Variants in GET4 observed in about 807,000 individuals in gnomAD.
GET4 encodes Golgi to ER traffic protein 4 homolog.
Under a neutral mutation model 40.0 loss-of-function variants are expected in GET4, and 20 were observed. That is an observed-to-expected ratio of 0.50 (90% CI 0.35 to 0.73). The LOEUF (loss-of-function observed/expected upper bound fraction) is 0.73. Among genes scored for constraint, GET4 ranks in the 30% least tolerant of loss-of-function variants. The pLI, the probability that GET4 is intolerant of heterozygous loss-of-function variation, is 0.01. For synonymous variants in GET4, 280 were observed against 194.6 expected (o/e 1.44, Z -3.65); for missense variants, 557 against 454.0 (o/e 1.23, Z -2.06).
intron 1 of GET4, among the ~76,000 whole-genome samples, chr7:878,488 A>T (rs958681132): frequency 6.6e-6 from 1 of 151,702 alleles, no homozygotes; most frequent in African/African-American, 2.4e-5. Context: ...AGGGCCGTGA[A>T]TGTTTTGATA....
chr7:892,536 T>C, intron 6 of GET4, 118 bp downstream of exon 6: 1 of 1,069,992 alleles, frequency 9.3e-7, no homozygotes. Context: ...GGTAGCCGTG[T>C]GGGTATATGC....
intron 5 of GET4, among the ~76,000 whole-genome samples, chr7:892,066 A>G (rs368304828): frequency 2.0e-5 from 3 of 152,218 alleles, no homozygotes; most frequent in Non-Finnish European, 4.4e-5. Context: ...CACATTCCCA[A>G]GCTTCATTCT....
chr7:880,651 G>A (rs905288522), intron 1 of GET4: 2 of 152,222 alleles, frequency 1.3e-5, no homozygotes, highest in African/African-American at 4.8e-5. Context: ...CACCTCTTAC[G>A]GGGCCCGGGA....
chr7:891,132 G>C (rs980146762), intron 5 of GET4, 66 bp downstream of exon 5: 79 of 1,332,884 alleles, frequency 5.9e-5, no homozygotes, highest in Non-Finnish European at 7.8e-5. Context: ...CCTTAGAACA[G>C]GTCCCCTTGT....
At chr7:886,333 T>TC in intron 2 of GET4, 199 bp downstream of exon 2, 2 of 606,540 alleles carry the variant, frequency 3.3e-6, no homozygotes, top group Non-Finnish European at 5.9e-6. Context: ...GCGCTGCGTT[T>TC]GTGCACGATG....
chr7:876,752 A>G lies in GET4; in HGVS notation c.107A>G (p.Lys36Arg). The G allele has an allele frequency of 7.3e-7, 1 of 1,370,978 alleles. No homozygotes were observed. The highest frequency in any genetic ancestry group is 9.5e-7 in the Non-Finnish European group (1 of 1,048,120). The allele number at this position is 1,370,978 out of a possible 1,614,324, so 84.9% of individuals were successfully genotyped here. A position where few individuals can be genotyped will look rare whatever the true frequency, so the allele number is the denominator to read the frequency against. The change falls in exon 1 of 9, where the codon AAG (lysine) becomes AGG (arginine). Residue 36 changes from lysine (K) to arginine (R), a missense_variant. Lys to Arg is a conservative substitution (Grantham distance 26, BLOSUM62 2). Transcript: ENST00000265857. ...VEGKLRASVE[K>R]GDYYEAHQMY... ...GGCAAGCTGCGCGCCAGCGTCGAGAAGGGCGACTACTACGAGGCGCACCAG... is the reference window on the plus strand; with the variant it reads ...GGCAAGCTGCGCGCCAGCGTCGAGAGGGGCGACTACTACGAGGCGCACCAG...
At chr7:894,286 G>T (rs553731868) in intron 8 of GET4, among the ~76,000 whole-genome samples, 3 of 152,146 alleles carry the variant, frequency 2.0e-5, no homozygotes, top group African/African-American at 7.2e-5. Context: ...GGTGGCCTCC[G>T]TGAGCCTGGT....
At position 876,660 on chromosome 7, in the gene GET4, G is replaced by A. The variant is rs2128625477; in HGVS notation, c.15G>A (p.Ala5=). 11 of 1,289,416 alleles carry A rather than the reference G, an allele frequency of 8.5e-6. No homozygotes were observed. The highest frequency in any genetic ancestry group is 4.0e-5 in the South Asian group (2 of 50,394). The allele number at this position is 1,289,416 out of a possible 1,614,324, so 79.9% of individuals were successfully genotyped here. The change falls in exon 1 of 9, where the codon GCG becomes GCA. Residue 5 remains alanine (A), a synonymous_variant. Transcript: ENST00000265857. ...GCGCCGGCCCGATGGCGGCGGCGGC[G>A]GCGATGGCCGAGCAGGAGAGCGCCC... is the stretch of plus-strand genomic sequence containing the variant. MAAA[A]AMAEQESARN...
Position 895,346 on chromosome 7 carries a change from C to G in GET4, c.908C>G (p.Thr303Ser), listed in dbSNP as rs1434980662. The change falls in exon 9 of 9, where the codon ACC becomes AGC. Residue 303 changes from threonine (T) to serine (S), a missense_variant. Thr to Ser is a moderately conservative substitution (Grantham distance 58). Transcript: ENST00000265857. ...TTCTTCTTTCCAGGGAACCTTCTGA[C>G]CAGCCTCATGGGCTCCTCAGAGCAG... Reference protein sequence around the residue: ...SYGGLLGNLLTSLMGSSEQED... With the variant: ...SYGGLLGNLLSSLMGSSEQED... 6 of 1,573,962 alleles carry G rather than the reference C, an allele frequency of 3.8e-6. No homozygotes were observed. The highest frequency in any genetic ancestry group is 3.4e-5 in the South Asian group (3 of 89,368).
intron 1 of GET4, chr7:885,554 A>T (rs1344348343): frequency 6.5e-6 from 1 of 154,790 alleles, no homozygotes; most frequent in Admixed American, 6.5e-5. Flanking sequence ...CCGTGGGGGG[A>T]GGGGTGTGGC....
At chr7:887,333 C>A (rs117661473) in intron 3 of GET4, 37 bp from the exon 4 acceptor site, 4 of 1,560,070 alleles carry the variant, frequency 2.6e-6, no homozygotes, top group Non-Finnish European at 3.5e-6. Flanking sequence ...CCGGAGTGGC[C>A]GTGCGTTCCT....
At chr7:877,066 C>T (rs899031783) in intron 1 of GET4, among the ~76,000 whole-genome samples, 6 of 151,826 alleles carry the variant, frequency 4.0e-5, no homozygotes, top group African/African-American at 1.5e-4. Context: ...CGGCCTTCCC[C>T]TACTCCCAGC....
chr7:894,337 T>A (rs891403584), intron 8 of GET4, among the ~76,000 whole-genome samples: 5 of 152,182 alleles, frequency 3.3e-5, no homozygotes, highest in African/African-American at 1.2e-4. Flanking sequence ...GGGCAGGCAG[T>A]GCTGCCGTGG....
chr7:891,231 T>TAA (rs1429315763), intron 5 of GET4, among the ~76,000 whole-genome samples, 165 bp downstream of exon 5: 1 of 152,244 alleles, frequency 6.6e-6, no homozygotes, highest in Admixed American at 6.5e-5. Context: ...TGATTTTTCA[T>TAA]AAGTTTAACC....
chr7:882,602 C>T (rs376166835), intron 1 of GET4: 24 of 148,500 alleles, frequency 1.6e-4, no homozygotes, highest in African/African-American at 6.2e-4. Context: ...TGTGGGCGGC[C>T]GACCTTGCCC....
chr7:887,242 C>A, intron 3 of GET4, 128 bp from the exon 4 acceptor site: 1 of 951,942 alleles, frequency 1.1e-6, no homozygotes, highest in Non-Finnish European at 1.7e-6. Flanking sequence ...ACGGCTCACT[C>A]AGGGACGCCC....
rs752552921 is a variant in GET4, at chr7:884,199, G to A, written c.156-1857G>A. ...GCTGGTGTGGTGCTTGCTCAGGGTC[G>A]GTGCATGCGGTTCTGCCCGTGGCCC... On this transcript the variant is annotated intron_variant, in intron 1 of 8. Coordinates refer to ENST00000265857, the MANE Select transcript of GET4 (RefSeq NM_015949.3). 7.4e-5 allele frequency: 97 copies of A among 1,302,616 alleles called. No individual in the cohort carries two copies. The African/African-American group carries it at 7.7e-4, about 10-fold the overall frequency. 80.7% of individuals were successfully genotyped at this position (1,302,616 alleles called of 1,614,324 possible).
In GET4 at chr7:893,298, G is replaced by A. The variant is rs796090699; in HGVS notation, c.747-442G>A. Among the ~76,000 whole-genome samples the A allele has an allele frequency of 2.4e-3, 271 of 114,092 alleles. 1 individual carries two copies. The highest frequency in any genetic ancestry group is 0.018 in the Middle Eastern group (2 of 114). 74.8% of individuals were successfully genotyped at this position (114,092 alleles called of 152,430 possible). ...GTGTGTGCAGGTGAGTGTTGGGCGC[G>A]GGCGCGGTGGTGTGTGCAGGTGAGT... On this transcript the variant is annotated intron_variant, in intron 6 of 8. Transcript: ENST00000265857.
chr7:893,720 C>A lies in GET4; in HGVS notation c.747-20C>A, dbSNP rs189478048. 4.5e-6 allele frequency: 7 copies of A among 1,550,118 alleles called. No homozygotes were observed. The highest frequency in any genetic ancestry group is 6.2e-6 in the Non-Finnish European group (7 of 1,126,922). ...TCCTGTTCTGCTCACCCAGCACATC[C>A]CTGTGTGTCTCTGTCCCAGTGGGAA... is the stretch of plus-strand genomic sequence containing the variant. On this transcript the variant is annotated intron_variant, in intron 6 of 8. Coordinates refer to ENST00000265857, the MANE Select transcript of GET4 (RefSeq NM_015949.3).
Sources: gnomAD v4.1 joint callset for allele counts (sites outside exome capture counted in the v4.1 genomes callset) on GRCh38, gnomAD v4.1.1 for gene constraint, MANE v1.5 for transcripts, NCBI Gene and HGNC (gene_info 2026-07-23, HGNC 2026-07-21) for gene names.